TWIST2: variants seen among roughly 807,000 people sequenced by gnomAD.
The protein encoded by TWIST2 is twist-related protein 2.
TWIST2 carries 1 observed loss-of-function variant against 11.6 expected under a neutral mutation model. The observed-to-expected ratio is 0.09, with a 90% CI of 0.03 to 0.41. The LOEUF is 0.41. Ranked by LOEUF, TWIST2 falls within the 10% of genes least tolerant of loss-of-function variation. TWIST2 has a pLI of 0.98. For synonymous variants in TWIST2, 87 were observed against 96.6 expected (o/e 0.90, Z 0.58); for missense variants, 168 against 226.4 (o/e 0.74, Z 1.66).
intron 1 of TWIST2, among the ~76,000 whole-genome samples, chr2:238,894,363 A>G (rs911536321): frequency 6.6e-6 from 1 of 151,708 alleles, no homozygotes; most frequent in Non-Finnish European, 1.5e-5. Flanking sequence ...GGATGCACCC[A>G]GCCACCCAAG....
chr2:238,893,836 C>G (rs1693177341), intron 1 of TWIST2, among the ~76,000 whole-genome samples: 1 of 152,208 alleles, frequency 6.6e-6, no homozygotes, highest in Non-Finnish European at 1.5e-5. Context: ...CTGCACCCGG[C>G]TGAGCCTGCT....
At chr2:238,882,686 C>T (rs909096837) in intron 1 of TWIST2, among the ~76,000 whole-genome samples, 4 of 152,224 alleles carry the variant, frequency 2.6e-5, no homozygotes, top group Non-Finnish European at 4.4e-5. Flanking sequence ...GGGGAAAACT[C>T]CTTCTTGAAA....
At position 238,866,273 on chromosome 2, in the gene TWIST2, C is replaced by G. The variant is rs140528963; in HGVS notation, c.*35+17540C>G. 0.024 allele frequency among the ~76,000 whole-genome samples: 3,692 copies of G among 152,348 alleles called. 172 individuals carry two copies. The highest frequency in any genetic ancestry group is 0.083 in the African/African-American group (3,456 of 41,560). The stretch of plus-strand genomic sequence containing the variant: ...CGAGCTCCCCAGGCCAGGAGCATGT[C>G]TGTCCTTTTCACCCTGTACCCAGCA... On this transcript the variant is annotated intron_variant, in intron 1 of 1. Coordinates refer to ENST00000612363, the MANE Select transcript of TWIST2 (RefSeq NM_001271893.4). This position sits in a 1 kb window ranked among gnomAD's most constrained non-coding sequence, Gnocchi z 4.9.
chr2:238,885,348 G>A (rs950003429), intron 1 of TWIST2, among the ~76,000 whole-genome samples: 2 of 152,196 alleles, frequency 1.3e-5, no homozygotes, highest in Non-Finnish European at 1.5e-5. Flanking sequence ...ATTTAGTCCA[G>A]GCAAAGTGGT....
intron 1 of TWIST2, among the ~76,000 whole-genome samples, chr2:238,905,991 G>T (rs904390165): frequency 6.9e-6 from 1 of 145,340 alleles, no homozygotes; most frequent in East Asian, 2.0e-4. Flanking sequence ...GTGTACGTGC[G>T]CGTGTGTGCG....
intron 1 of TWIST2, among the ~76,000 whole-genome samples, chr2:238,877,152 G>C (rs1348387891): frequency 6.6e-6 from 1 of 152,100 alleles, no homozygotes; most frequent in Non-Finnish European, 1.5e-5. Context: ...AGCTGAGATC[G>C]TGCCACTGCG....
chr2:238,862,681 G>A (rs1692455569), intron 1 of TWIST2, among the ~76,000 whole-genome samples: 1 of 152,178 alleles, frequency 6.6e-6, no homozygotes, highest in South Asian at 2.1e-4. Context: ...CCCTTTGCAT[G>A]AACAATTCCA....
chr2:238,868,002 A>G lies in TWIST2; in HGVS notation c.*35+19269A>G, dbSNP rs566996644. Among the ~76,000 whole-genome samples the G allele has an allele frequency of 3.9e-4, 59 of 152,320 alleles. 1 individual carries two copies. The highest frequency in any genetic ancestry group is 1.6e-3 in the Admixed American group (24 of 15,310). ...AGTGAGGCTCGGGAAACGTGGAACG[A>G]AAGAAAGATAGAAAAAATAAATGCA... On this transcript the variant is annotated intron_variant, in intron 1 of 1. Coordinates refer to ENST00000612363, the MANE Select transcript of TWIST2 (RefSeq NM_001271893.4).
At chr2:238,890,188 AG>A (rs63119560) in intron 1 of TWIST2, among the ~76,000 whole-genome samples, 134,768 of 152,272 alleles carry the variant, frequency 0.89, 59,825 homozygotes, top group Middle Eastern at 0.96. Flanking sequence ...TGGCAGCACC[AG>A]GGGATGCCAC....
intron 1 of TWIST2, among the ~76,000 whole-genome samples, chr2:238,898,536 A>T (rs1574767910): frequency 6.6e-6 from 1 of 152,202 alleles, no homozygotes; most frequent in African/African-American, 2.4e-5. Context: ...TTGGTACAAA[A>T]GGGGAGTTCC....
chr2:238,861,054 C>T (rs1692425643), intron 1 of TWIST2, among the ~76,000 whole-genome samples: 2 of 152,220 alleles, frequency 1.3e-5, no homozygotes, highest in Middle Eastern at 3.4e-3. Flanking sequence ...GAAAGAGATT[C>T]CCAAAAGCTG....
chr2:238,888,540 GGTCT>G (rs1269425973), intron 1 of TWIST2, among the ~76,000 whole-genome samples: 1 of 152,046 alleles, frequency 6.6e-6, no homozygotes, highest in Admixed American at 6.6e-5. Flanking sequence ...ATATTCATGG[GGTCT>G]GTATTAGAAA....
chr2:238,857,502 C>T (rs866896361), intron 1 of TWIST2, among the ~76,000 whole-genome samples: 4 of 152,202 alleles, frequency 2.6e-5, no homozygotes, highest in South Asian at 2.1e-4. Flanking sequence ...TTCCAAGAGA[C>T]GATCAGGCCA....
chr2:238,863,869 T>C lies in TWIST2; in HGVS notation c.*35+15136T>C, dbSNP rs1362047975. ...ATGATGAATGACAAATGTGTGGGAC[T>C]GAGGAGAGGTCGGCCGTAGAGTAGG... On this transcript the variant is annotated intron_variant, in intron 1 of 1. Coordinates refer to ENST00000612363, the MANE Select transcript of TWIST2 (RefSeq NM_001271893.4). The surrounding 1 kb of genome is among the most constrained non-coding windows in gnomAD (Gnocchi z 4.7). 1.3e-5 allele frequency among the ~76,000 whole-genome samples: 2 copies of C among 152,154 alleles called. No individual in the cohort carries two copies. Among genetic ancestry groups the C allele is most frequent in the African/African-American group, 4.8e-5 (2 of 41,418 alleles).
At chr2:238,900,189 T>A (rs903558743) in intron 1 of TWIST2, among the ~76,000 whole-genome samples, 1 of 152,198 alleles carries the variant, frequency 6.6e-6, no homozygotes, top group Non-Finnish European at 1.5e-5. Flanking sequence ...TTCCTGCTTT[T>A]TCTTGGATGA....
intron 1 of TWIST2, among the ~76,000 whole-genome samples, chr2:238,862,693 T>C (rs1013916684): frequency 6.6e-6 from 1 of 152,204 alleles, no homozygotes; most frequent in Non-Finnish European, 1.5e-5. Context: ...ACAATTCCAC[T>C]TCTAGGAATT....
chr2:238,897,424 C>T (rs1324835416), intron 1 of TWIST2, among the ~76,000 whole-genome samples: 1 of 152,118 alleles, frequency 6.6e-6, no homozygotes, highest in Non-Finnish European at 1.5e-5. Context: ...CCAAGTGGGA[C>T]CCCCTTGCCA....
Position 238,864,377 on chromosome 2 carries a change from C to T in TWIST2, c.*35+15644C>T, listed in dbSNP as rs1205321316. On this transcript the variant is annotated intron_variant, in intron 1 of 1. Transcript: ENST00000612363. This position sits in a 1 kb window ranked among gnomAD's most constrained non-coding sequence, Gnocchi z 4.7. ...GCCAGGGTTAGTCCCCTCCGCGGGC[C>T]TCCTGCATGAATCAGAGCCGACTGG... Among the ~76,000 whole-genome samples the T allele has an allele frequency of 6.6e-6, 1 of 152,228 alleles. No homozygotes were observed. The highest frequency in any genetic ancestry group is 1.5e-5 in the Non-Finnish European group (1 of 68,042).
rs1487524916 is a variant in TWIST2 at position 238,867,401 on chromosome 2, ACACACACACACT to A, written c.*35+18670_*35+18681del. ...CACACACACACACACACACACACAC[ACACACACACACT>A]CCTCAGTAAAATACCCAGTTCTCAC... On this transcript the variant is annotated intron_variant, in intron 1 of 1. Transcript: ENST00000612363. The surrounding 1 kb of genome is among the most constrained non-coding windows in gnomAD (Gnocchi z 4.8). Among the ~76,000 whole-genome samples the A allele has an allele frequency of 2.0e-5, 3 of 151,108 alleles. No individual in the cohort carries two copies. The highest frequency in any genetic ancestry group is 2.1e-4 in the South Asian group (1 of 4,730).
Sources: gnomAD v4.1 joint callset for allele counts (sites outside exome capture counted in the v4.1 genomes callset) on GRCh38, gnomAD v4.1.1 for gene constraint, Gnocchi (gnomAD v3.1) non-coding constraint, MANE v1.5 for transcripts, NCBI Gene and HGNC (gene_info 2026-07-23, HGNC 2026-07-21) for gene names.